Variants in ADGRV1 observed in about 807,000 individuals in gnomAD.
ADGRV1 encodes adhesion G protein-coupled receptor V1, also known as G-protein coupled receptor 98.
A neutral mutation model predicts 596.2 loss-of-function variants in ADGRV1; 359 were observed. That is an observed-to-expected ratio of 0.60 (90% CI 0.55 to 0.66). The LOEUF (loss-of-function observed/expected upper bound fraction) is 0.66. Among genes scored for constraint, ADGRV1 ranks in the 30% least tolerant of loss-of-function variants. The pLI, the probability that ADGRV1 is intolerant of heterozygous loss-of-function variation, is 0.00. For synonymous variants in ADGRV1, 2,681 were observed against 2,679.2 expected, an observed-to-expected ratio of 1.00 and a Z score of -0.02; for missense variants, 7,274 against 7,575.6, an observed-to-expected ratio of 0.96 and a Z score of 1.48.
chr5:90,826,149 TTAG>T (rs2150312159), intron 76 of ADGRV1, among the ~76,000 whole-genome samples: 1 of 152,336 alleles, frequency 6.6e-6, no homozygotes, highest in East Asian at 1.9e-4. Flanking sequence ...TTACATGTTA[TTAG>T]TAGAAGGGAA....
chr5:90,622,480 C>T (rs772771650), intron 4 of ADGRV1, 117 bp from the exon 5 acceptor site: 40 of 418,844 alleles, frequency 9.6e-5, no homozygotes, highest in Non-Finnish European at 1.3e-4. Context: ...ACATTCTTAT[C>T]GTACAGTGTG....
chr5:91,151,196 A>G (rs1796025912), intron 88 of ADGRV1, among the ~76,000 whole-genome samples: 1 of 152,228 alleles, frequency 6.6e-6, no homozygotes, highest in African/African-American at 2.4e-5. Flanking sequence ...ACCTGTCCAG[A>G]GATAACTTTT....
chr5:90,912,298 G>T (rs1409929998), intron 83 of ADGRV1, among the ~76,000 whole-genome samples: 1 of 152,030 alleles, frequency 6.6e-6, no homozygotes, highest in Non-Finnish European at 1.5e-5. Context: ...GAAGCAGCTG[G>T]ACAGAAGCAC....
rs138283607 is a variant in ADGRV1, at chr5:90,915,197, A to G, written c.17857-50218A>G. Among the ~76,000 whole-genome samples, 1,155 of 152,334 alleles carry G rather than the reference A, an allele frequency of 7.6e-3. 8 individuals are homozygous for G. The highest frequency in any genetic ancestry group is 0.026 in the African/African-American group (1,087 of 41,586). ...TCCAGACAGCGTTCTAAAAGTAATC[A>G]TAGAAAAGGTATTCCAATGTACTTT... On this transcript the variant is annotated intron_variant, in intron 83 of 89. Coordinates refer to ENST00000405460, the MANE Select transcript of ADGRV1 (RefSeq NM_032119.4).
intron 84 of ADGRV1, among the ~76,000 whole-genome samples, chr5:90,974,056 C>G (rs570334219): frequency 1.5e-3 from 231 of 152,212 alleles, no homozygotes; most frequent in African/African-American, 5.4e-3. Context: ...ACACCAATAA[C>G]AGACAAACAG....
intron 83 of ADGRV1, among the ~76,000 whole-genome samples, chr5:90,891,333 A>C (rs2367180): frequency 0.054 from 8,129 of 151,402 alleles, 381 homozygotes; most frequent in East Asian, 0.22. Flanking sequence ...AGACAACACA[A>C]ACTGAAAGGT....
At chr5:90,931,257 C>T (rs569004276) in intron 83 of ADGRV1, 1 of 152,276 alleles carries the variant, frequency 6.6e-6, no homozygotes, top group South Asian at 2.1e-4. Flanking sequence ...GGGGATGAGG[C>T]TGGACTGGTA....
At chr5:90,979,238 G>A (rs544680630) in intron 84 of ADGRV1, among the ~76,000 whole-genome samples, 26 of 151,180 alleles carry the variant, frequency 1.7e-4, no homozygotes, top group East Asian at 1.6e-3. Context: ...GCGCAGTCTC[G>A]GCTCACTGCA....
chr5:90,954,704 G>A (rs1179282470), intron 83 of ADGRV1, among the ~76,000 whole-genome samples: 5 of 152,068 alleles, frequency 3.3e-5, no homozygotes, highest in African/African-American at 1.2e-4. Context: ...GTTTAGTCAT[G>A]ATTTTATATT....
At chr5:90,589,737 A>G (rs1256814890) in intron 1 of ADGRV1, among the ~76,000 whole-genome samples, 1 of 152,176 alleles carries the variant, frequency 6.6e-6, no homozygotes, top group Non-Finnish European at 1.5e-5. Context: ...CTGGGTGTTA[A>G]ATGATCTTAG....
chr5:91,042,463 A>G (rs931075210), intron 85 of ADGRV1, among the ~76,000 whole-genome samples: 2 of 152,210 alleles, frequency 1.3e-5, no homozygotes, highest in Non-Finnish European at 2.9e-5. Flanking sequence ...GGATATGTTC[A>G]AGGTTTTAGC....
chr5:90,937,181 C>T (rs568042986), intron 83 of ADGRV1, among the ~76,000 whole-genome samples: 4 of 152,212 alleles, frequency 2.6e-5, no homozygotes, highest in South Asian at 2.1e-4. Context: ...GTACTTTGTA[C>T]TTTCAACCTA....
In ADGRV1 at chr5:90,823,417, G is replaced by T. The variant is rs772727713; in HGVS notation, c.16197-8G>T. On this transcript the variant is annotated splice_region_variant and splice_polypyrimidine_tract_variant and intron_variant, in intron 75 of 89. Transcript: ENST00000405460. ...CTGTTAAGGCATTGGTGGGTTTCTT[G>T]CTCACAGGGCCTTTGAAGATGTCAA... is the stretch of plus-strand genomic sequence containing the variant. The T allele has an allele frequency of 1.9e-6, 3 of 1,612,616 alleles. No homozygotes were observed. In the African/African-American group the frequency reaches 4.0e-5, roughly 22 times the overall value.
At chr5:91,089,812 C>A (rs1023381258) in intron 86 of ADGRV1, among the ~76,000 whole-genome samples, 8 of 152,114 alleles carry the variant, frequency 5.3e-5, no homozygotes, top group African/African-American at 1.9e-4. Flanking sequence ...TAGCCAGATT[C>A]AAAATACAGA....
At chr5:90,770,594 G>A (rs778003619) in intron 59 of ADGRV1, among the ~76,000 whole-genome samples, 5 of 152,052 alleles carry the variant, frequency 3.3e-5, no homozygotes, top group African/African-American at 9.7e-5. Context: ...TTTGAAGAAG[G>A]CACAACTCAT....
At chr5:90,637,256 T>A (rs949113309) in intron 10 of ADGRV1, among the ~76,000 whole-genome samples, 5 of 152,180 alleles carry the variant, frequency 3.3e-5, no homozygotes, top group South Asian at 2.1e-4. Context: ...ATTTTTTTTT[T>A]AATTTTACCC....
At chr5:90,817,898 C>A (rs1170060462) in intron 75 of ADGRV1, among the ~76,000 whole-genome samples, 1 of 152,140 alleles carries the variant, frequency 6.6e-6, no homozygotes. Context: ...GCGATGCAGG[C>A]TCTTTTTTGG....
At chr5:90,708,208 G>A (rs185697761) in intron 38 of ADGRV1, among the ~76,000 whole-genome samples, 174 of 152,118 alleles carry the variant, frequency 1.1e-3, no homozygotes, top group Non-Finnish European at 1.0e-3. Flanking sequence ...TATCTGCCTT[G>A]TTTTCATTGC....
At chr5:90,916,073 T>G (rs1773323419) in intron 83 of ADGRV1, among the ~76,000 whole-genome samples, 2 of 151,986 alleles carry the variant, frequency 1.3e-5, no homozygotes, top group Non-Finnish European at 2.9e-5. Flanking sequence ...ATTGGAGAGA[T>G]AGGAAGGAGG....
Sources: allele counts gnomAD v4.1 joint callset (sites outside exome capture counted in the v4.1 genomes callset), GRCh38; gene constraint gnomAD v4.1.1; transcripts MANE v1.5; gene names NCBI Gene and HGNC (gene_info 2026-07-23, HGNC 2026-07-21).